The following SEZ6L variants were observed in gnomAD, a reference collection of about 807,000 sequenced individuals.
The protein encoded by SEZ6L is seizure related 6 homolog like.
SEZ6L carries 37 observed loss-of-function variants against 106.2 expected under a neutral mutation model. The ratio of observed to expected loss-of-function variants is 0.35; its 90% confidence interval spans 0.27 to 0.46. The LOEUF is 0.46. SEZ6L is among the 20% of genes least tolerant of loss of function. SEZ6L has a pLI of 1.00. For synonymous variants in SEZ6L, 541 were observed against 570.4 expected (o/e 0.95, Z 0.73); for missense variants, 1,172 against 1,332.8 (o/e 0.88, Z 1.88).
intron 1 of SEZ6L, among the ~76,000 whole-genome samples, chr22:26,264,056 C>A (rs1461482750): frequency 6.6e-6 from 1 of 152,208 alleles, no homozygotes; most frequent in Non-Finnish European, 1.5e-5. Flanking sequence ...GCATCTAAAT[C>A]CTGCAACATG....
At chr22:26,285,839 A>T (rs1005756186) in intron 1 of SEZ6L, among the ~76,000 whole-genome samples, 2 of 152,222 alleles carry the variant, frequency 1.3e-5, no homozygotes. Context: ...TCAAGCCTCA[A>T]ACAGCCTTGT....
chr22:26,194,484 G>A (rs1031159372), intron 1 of SEZ6L, among the ~76,000 whole-genome samples: 1 of 152,168 alleles, frequency 6.6e-6, no homozygotes, highest in African/African-American at 2.4e-5. Context: ...TACAGTCACT[G>A]GGTGGCAAGA....
intron 1 of SEZ6L, among the ~76,000 whole-genome samples, chr22:26,276,576 T>C (rs929575405): frequency 1.3e-5 from 2 of 152,226 alleles, no homozygotes; most frequent in Admixed American, 6.5e-5. Context: ...GTATAGCATA[T>C]AGGTAATTGA....
In SEZ6L at chr22:26,318,591, A is replaced by G. The variant is rs915715326; in HGVS notation, c.2015+4689A>G. On this transcript the variant is annotated intron_variant, in intron 9 of 16. Transcript: ENST00000248933. Reference sequence around the variant, plus strand: ...CTAACATTAATTTTTACTTCATATAAGTTAAAAATAAATTGTATTATTTGT... The same window carrying G: ...CTAACATTAATTTTTACTTCATATAGGTTAAAAATAAATTGTATTATTTGT... 2.6e-5 allele frequency among the ~76,000 whole-genome samples: 4 copies of G among 152,204 alleles called. No homozygotes were observed. In the South Asian group the frequency reaches 8.3e-4, roughly 32 times the overall value.
intron 9 of SEZ6L, among the ~76,000 whole-genome samples, chr22:26,324,847 T>C (rs1393695325): frequency 6.6e-6 from 1 of 152,220 alleles, no homozygotes; most frequent in Non-Finnish European, 1.5e-5. Context: ...CAGTCAGCTA[T>C]TGCTGTATAA....
chr22:26,229,737 G>T (rs940255217), intron 1 of SEZ6L, among the ~76,000 whole-genome samples: 4 of 152,082 alleles, frequency 2.6e-5, no homozygotes, highest in Admixed American at 2.0e-4. Context: ...CTGGAAGCAG[G>T]TATTGTTTTG....
chr22:26,285,477 TTGTGTTCAC>T (rs1169307895), intron 1 of SEZ6L, among the ~76,000 whole-genome samples: 1 of 152,178 alleles, frequency 6.6e-6, no homozygotes, highest in African/African-American at 2.4e-5. Context: ...CACCTCTGTG[TTGTGTTCAC>T]TGTGATTAAT....
intron 1 of SEZ6L, among the ~76,000 whole-genome samples, chr22:26,236,195 C>T (rs1453114310): frequency 1.3e-5 from 2 of 152,236 alleles, no homozygotes; most frequent in African/African-American, 4.8e-5. Context: ...TGCCACTGAG[C>T]CCAAATTGCC....
At chr22:26,288,173 T>C (rs2080997051) in intron 1 of SEZ6L, among the ~76,000 whole-genome samples, 1 of 152,194 alleles carries the variant, frequency 6.6e-6, no homozygotes, top group East Asian at 1.9e-4. Flanking sequence ...AGAGTCACCA[T>C]CTGCTGCACA....
intron 11 of SEZ6L, 141 bp from the exon 12 acceptor site, chr22:26,350,911 C>G: frequency 1.4e-6 from 1 of 714,830 alleles, no homozygotes; most frequent in African/African-American, 1.8e-5. Flanking sequence ...CCGCCTCGGC[C>G]TCCCAAATTG....
chr22:26,348,646 A>AAGAAAGAAAAAGAAAG (rs1556371589), intron 11 of SEZ6L, among the ~76,000 whole-genome samples: 7 of 7,692 alleles, frequency 9.1e-4, no homozygotes, highest in South Asian at 7.5e-3. Flanking sequence ...GAAAGAAAGA[A>AAGAAAGAAAAAGAAAG]AAAGAAAGAA....
chr22:26,333,237 G>A (rs1277725363), intron 9 of SEZ6L, among the ~76,000 whole-genome samples: 1 of 152,250 alleles, frequency 6.6e-6, no homozygotes, highest in Non-Finnish European at 1.5e-5. Flanking sequence ...TAGACAAGCT[G>A]GACAAGCCAG....
At chr22:26,281,148 C>T (rs972277606) in intron 1 of SEZ6L, among the ~76,000 whole-genome samples, 11 of 151,790 alleles carry the variant, frequency 7.2e-5, no homozygotes, top group African/African-American at 2.4e-4. Context: ...TTAACTACTC[C>T]TGAATTAATG....
chr22:26,292,145 A>G (rs638297), intron 1 of SEZ6L: 38,434 of 386,118 alleles, frequency 0.1, 2,402 homozygotes, highest in Middle Eastern at 0.16. Context: ...AGAAAGAAAG[A>G]AAGGAAGGAA....
At chr22:26,340,324 C>G (rs909649653) in intron 9 of SEZ6L, 112 bp from the exon 10 acceptor site, 1 of 939,016 alleles carries the variant, frequency 1.1e-6, no homozygotes, top group African/African-American at 1.6e-5. Context: ...TAGCCTGGAG[C>G]CTGACACATA....
chr22:26,262,213 T>C (rs2080031744), intron 1 of SEZ6L, among the ~76,000 whole-genome samples: 1 of 146,792 alleles, frequency 6.8e-6, no homozygotes, highest in Non-Finnish European at 1.5e-5. Flanking sequence ...ATAAAAGATA[T>C]ATATATGCAC....
intron 3 of SEZ6L, among the ~76,000 whole-genome samples, chr22:26,295,120 A>C (rs918094918): frequency 1.3e-5 from 2 of 152,194 alleles, no homozygotes; most frequent in African/African-American, 4.8e-5. Context: ...ACTTTGAACA[A>C]GGAACTTCAC....
In SEZ6L at chr22:26,294,289, C is replaced by T; in HGVS notation, c.836-3C>T. On this transcript the variant is annotated splice_polypyrimidine_tract_variant and splice_region_variant and intron_variant, in intron 2 of 16. Coordinates refer to ENST00000248933, the MANE Select transcript of SEZ6L (RefSeq NM_021115.5). ...GTGTCCTAATTAAAGTCCTTCCTTCCAGCTCTCTGCAGTGTGAGCTTCTCC... is the reference window on the plus strand; with the variant it reads ...GTGTCCTAATTAAAGTCCTTCCTTCTAGCTCTCTGCAGTGTGAGCTTCTCC... 1 of 1,613,916 alleles carries T rather than the reference C, an allele frequency of 6.2e-7. No homozygotes were observed. The highest frequency in any genetic ancestry group is 8.5e-7 in the Non-Finnish European group (1 of 1,179,916).
At chr22:26,184,063 T>G (rs182691782) in intron 1 of SEZ6L, among the ~76,000 whole-genome samples, 37 of 152,262 alleles carry the variant, frequency 2.4e-4, no homozygotes, top group Middle Eastern at 3.4e-3. Context: ...AGTGCCTTGG[T>G]TTTTATTTAT....
Sources: gnomAD v4.1 joint callset for allele counts (sites outside exome capture counted in the v4.1 genomes callset) on GRCh38, gnomAD v4.1.1 for gene constraint, MANE v1.5 for transcripts, NCBI Gene and HGNC (gene_info 2026-07-23, HGNC 2026-07-21) for gene names.